TUT7: variants seen among roughly 807,000 people sequenced by gnomAD.
TUT7 encodes terminal uridylyl transferase 7, also known as terminal uridylyltransferase 7.
TUT7 carries 33 observed loss-of-function variants against 165.9 expected under a neutral mutation model. That is an observed-to-expected ratio of 0.20 (90% CI 0.15 to 0.27). TUT7 has a LOEUF of 0.27. TUT7 is among the 10% of genes least tolerant of loss of function. TUT7 has a pLI of 1.00. For synonymous variants in TUT7, 552 were observed against 608.1 expected, an observed-to-expected ratio of 0.91 and a Z score of 1.36; for missense variants, 1,338 against 1,762.3, an observed-to-expected ratio of 0.76 and a Z score of 4.31.
chr9:86,345,435 T>C (rs1008282625), intron 4 of TUT7, among the ~76,000 whole-genome samples: 4 of 152,196 alleles, frequency 2.6e-5, no homozygotes, highest in South Asian at 2.1e-4. Context: ...TATAAGGACA[T>C]ATACCTGGGT....
rs1827829969 is a variant in TUT7, at chr9:86,309,515, A to G, written c.3530T>C (p.Val1177Ala). Residue 1177 changes from valine to alanine, a missense_variant, in exon 20 of 27, where the codon GTG becomes GCG. Val to Ala is a moderately conservative substitution (Grantham distance 64). Around this residue, in one of 7 missense-constraint regions of TUT7, gnomAD observed 157 missense variants for 357.5 expected, o/e 0.44. Coordinates refer to ENST00000375963, the MANE Select transcript of TUT7 (RefSeq NM_024617.4). ...SLSSYAYTLM[V>A]LYFLQQRNPP... Reference sequence around the variant, plus strand: ...ATTCCTCTGCTGGAGAAAATATAGCACCATAAGAGTATATGCATACGATGA... The same window carrying G: ...ATTCCTCTGCTGGAGAAAATATAGCGCCATAAGAGTATATGCATACGATGA... 3 of 1,613,618 alleles carry G rather than the reference A, an allele frequency of 1.9e-6. No homozygotes were observed. The highest frequency in any genetic ancestry group is 2.7e-5 in the African/African-American group (2 of 74,894).
chr9:86,293,498 A>G (rs1248397428), intron 26 of TUT7, among the ~76,000 whole-genome samples: 1 of 152,154 alleles, frequency 6.6e-6, no homozygotes. Context: ...GTAAAAAAAA[A>G]TGGTAAAGTT....
intron 23 of TUT7, 43 bp downstream of exon 23, chr9:86,305,149 A>G (rs748423780): frequency 2.3e-5 from 35 of 1,519,484 alleles, no homozygotes; most frequent in African/African-American, 1.5e-4. Flanking sequence ...AAGTAAATAC[A>G]TAAGTAAAAT....
chr9:86,346,829 A>G (rs1380691503), intron 2 of TUT7, among the ~76,000 whole-genome samples: 5 of 152,192 alleles, frequency 3.3e-5, no homozygotes, highest in Non-Finnish European at 5.9e-5. Context: ...CTATTATATT[A>G]AAATATTACA....
Position 86,311,557 on chromosome 9 carries a change from T to C in TUT7, c.3275-748A>G, listed in dbSNP as rs1237853976. Among the ~76,000 whole-genome samples the C allele has an allele frequency of 6.7e-6, 1 of 149,204 alleles. No individual in the cohort carries two copies. The highest frequency in any genetic ancestry group is 1.5e-5 in the Non-Finnish European group (1 of 67,412). ...AACATACACATTTTGCTAAGAATTA[T>C]CCTTAGTCCTCTCCCTCTCCCTCTC... On this transcript the variant is annotated intron_variant, in intron 17 of 26. Coordinates refer to ENST00000375963, the MANE Select transcript of TUT7 (RefSeq NM_024617.4). The surrounding 1 kb of genome is among the most constrained non-coding windows in gnomAD (Gnocchi z 4.4).
chr9:86,291,022 C>T (rs1319977645), intron 26 of TUT7, among the ~76,000 whole-genome samples: 4 of 152,064 alleles, frequency 2.6e-5, no homozygotes, highest in African/African-American at 7.2e-5. Context: ...AAAGATGACC[C>T]TAAATTATGA....
chr9:86,328,281 A>G lies in TUT7; in HGVS notation c.1608+59T>C, dbSNP rs1554704744. 8.2e-6 allele frequency: 12 copies of G among 1,465,640 alleles called. No individual in the cohort carries two copies. In the South Asian group the frequency reaches 1.5e-4, roughly 19 times the overall value. The allele number at this position is 1,465,640 out of a possible 1,614,324, so 90.8% of individuals were successfully genotyped here. ...TTAAGGAAAGAAGACAAGACTGACT[A>G]ATCCACAACTTCACAATTGGCAAGT... On this transcript the variant is annotated intron_variant, in intron 11 of 26. Coordinates refer to ENST00000375963, the MANE Select transcript of TUT7 (RefSeq NM_024617.4).
At position 86,299,005 on chromosome 9, in the gene TUT7, C is replaced by T. The variant is rs184259724; in HGVS notation, c.4420+2271G>A. ...AGTTCTGAAACAAGGCCCCGCCATC[C>T]GGTGCCCAGTAAGCCTCACCACGCA... On this transcript the variant is annotated intron_variant, in intron 26 of 26. Coordinates refer to ENST00000375963, the MANE Select transcript of TUT7 (RefSeq NM_024617.4). Among the ~76,000 whole-genome samples, 246 of 152,254 alleles carry T rather than the reference C, an allele frequency of 1.6e-3. 1 individual carries two copies. The highest frequency in any genetic ancestry group is 5.8e-3 in the African/African-American group (239 of 41,534).
At chr9:86,294,857 C>G (rs1826177068) in intron 26 of TUT7, among the ~76,000 whole-genome samples, 1 of 150,326 alleles carries the variant, frequency 6.7e-6, no homozygotes, top group South Asian at 2.1e-4. Flanking sequence ...CGTCATTTAG[C>G]ATTAGGTATA....
intron 16 of TUT7, 31 bp from the exon 17 acceptor site, chr9:86,317,307 CA>C: frequency 1.3e-6 from 2 of 1,587,208 alleles, no homozygotes; most frequent in African/African-American, 2.7e-5. Context: ...AGAACTTAAC[CA>C]AAACTGGAAG....
chr9:86,320,470 C>A (rs143105821), intron 14 of TUT7, among the ~76,000 whole-genome samples: 2 of 152,038 alleles, frequency 1.3e-5, no homozygotes, highest in African/African-American at 4.8e-5. Context: ...TATTAATTAG[C>A]GTTACTCAAA....
chr9:86,337,743 T>G (rs1830943355), intron 9 of TUT7, among the ~76,000 whole-genome samples: 1 of 152,264 alleles, frequency 6.6e-6, no homozygotes, highest in African/African-American at 2.4e-5. Flanking sequence ...AGTTTCAATT[T>G]TGAATATTTA....
chr9:86,327,951 C>T (rs1829946555), intron 11 of TUT7, among the ~76,000 whole-genome samples: 1 of 152,150 alleles, frequency 6.6e-6, no homozygotes, highest in Non-Finnish European at 1.5e-5. Flanking sequence ...CCCCTGCCCA[C>T]CCCCAACAGT....
chr9:86,319,460 A>G (rs1829025168), intron 15 of TUT7, 124 bp downstream of exon 15: 1 of 695,358 alleles, frequency 1.4e-6, no homozygotes, highest in South Asian at 2.0e-5. Context: ...ACCAAGGACC[A>G]TCCTGGGTAT....
At chr9:86,307,946 A>T (rs1480967199) in intron 22 of TUT7, among the ~76,000 whole-genome samples, 1 of 152,172 alleles carries the variant, frequency 6.6e-6, no homozygotes, top group African/African-American at 2.4e-5. Context: ...GTGAGCCGAG[A>T]TAGCGCTACT....
chr9:86,325,591 T>C, intron 11 of TUT7, 77 bp from the exon 12 acceptor site: 1 of 1,393,276 alleles, frequency 7.2e-7, no homozygotes, highest in Non-Finnish European at 9.7e-7. Context: ...CATTTAAGCA[T>C]CAAATTAAAA....
At chr9:86,307,153 A>G (rs920410166) in intron 22 of TUT7, among the ~76,000 whole-genome samples, 4 of 152,094 alleles carry the variant, frequency 2.6e-5, no homozygotes, top group African/African-American at 7.2e-5. Context: ...CGGCACCTGT[A>G]ATCCCAGCTA....
At chr9:86,298,023 T>C (rs954502141) in intron 26 of TUT7, among the ~76,000 whole-genome samples, 1 of 148,060 alleles carries the variant, frequency 6.8e-6, no homozygotes, top group African/African-American at 2.5e-5. Context: ...CCTGTTTCCA[T>C]CTCTGAGTTT....
chr9:86,308,588 A>G lies in TUT7; in HGVS notation c.3679T>C (p.Cys1227Arg), dbSNP rs1587884316. 6.2e-7 allele frequency: 1 copy of G among 1,613,108 alleles called. No homozygotes were observed. Residue 1227 changes from cysteine (C) to arginine (R), a missense_variant, in exon 22 of 27, where the codon TGT (cysteine) becomes CGT (arginine). Around this residue, in one of 7 missense-constraint regions of TUT7, gnomAD observed 157 missense variants for 357.5 expected, o/e 0.44. Coordinates refer to ENST00000375963, the MANE Select transcript of TUT7 (RefSeq NM_024617.4). ...IDELPTYWSE[C>R]GKNTESVGQL... The stretch of plus-strand genomic sequence containing the variant: ...CCAACAGATTCTGTATTTTTTCCAC[A>G]TTCTGACCAATAGGTAGGCTAGAAA...
Sources: gnomAD v4.1 joint callset for allele counts (sites outside exome capture counted in the v4.1 genomes callset) on GRCh38, gnomAD v4.1.1 for gene constraint, gnomAD v4.1.1 regional missense constraint, Gnocchi (gnomAD v3.1) non-coding constraint, MANE v1.5 for transcripts, NCBI Gene and HGNC (gene_info 2026-07-23, HGNC 2026-07-21) for gene names.